The following CPED1 variants were observed in gnomAD, a reference collection of about 807,000 sequenced individuals.
The protein encoded by CPED1 is cadherin-like and PC-esterase domain-containing protein 1.
A neutral mutation model predicts 128.2 loss-of-function variants in CPED1; 114 were observed. That is an observed-to-expected ratio of 0.89 (90% CI 0.76 to 1.04). The LOEUF is 1.04. Among genes scored for constraint, CPED1 ranks in the 50% least tolerant of loss-of-function variants. The pLI is 0.00. For synonymous variants in CPED1, 462 were observed against 426.7 expected (o/e 1.08, Z -1.02); for missense variants, 1,211 against 1,207.1 (o/e 1.00, Z -0.05).
intron 16 of CPED1, among the ~76,000 whole-genome samples, chr7:121,154,264 T>C (rs1181801866): frequency 1.3e-5 from 2 of 152,132 alleles, no homozygotes; most frequent in African/African-American, 4.8e-5. Flanking sequence ...GGATCTCTCT[T>C]TCTAATTTGG....
intron 4 of CPED1, among the ~76,000 whole-genome samples, chr7:121,062,390 C>T (rs972973275): frequency 1.1e-4 from 16 of 152,294 alleles, no homozygotes; most frequent in African/African-American, 3.6e-4. Flanking sequence ...TACAACACTA[C>T]ATTGTAAAAG....
At position 121,055,888 on chromosome 7, in the gene CPED1, C is replaced by CA. The variant is rs563282380; in HGVS notation, c.541-8343dup. Among the ~76,000 whole-genome samples the CA allele has an allele frequency of 1.3e-3, 193 of 151,742 alleles. 1 individual carries two copies. Among genetic ancestry groups the CA allele is most frequent in the Non-Finnish European group, 2.0e-3 (133 of 67,772 alleles). ...AAAAGGAAGAAATCAAAAATAGAAA[C>CA]AAAAAAATCAAAATTTTGAATGTGT... On this transcript the variant is annotated intron_variant, in intron 4 of 22. Coordinates refer to ENST00000310396, the MANE Select transcript of CPED1 (RefSeq NM_024913.5).
chr7:121,110,122 T>A (rs1181688344), intron 7 of CPED1, among the ~76,000 whole-genome samples: 8 of 152,182 alleles, frequency 5.3e-5, no homozygotes, highest in African/African-American at 1.9e-4. Flanking sequence ...TAGACAAATC[T>A]GCTTACATCT....
chr7:121,141,078 T>C (rs1795891823), intron 15 of CPED1, 65 bp downstream of exon 15: 32 of 1,328,588 alleles, frequency 2.4e-5, no homozygotes, highest in Non-Finnish European at 3.0e-5. Flanking sequence ...TGATGCAAAC[T>C]TTGAAAGTGG....
At chr7:120,996,995 TG>T (rs1796417929) in intron 2 of CPED1, among the ~76,000 whole-genome samples, 1 of 152,244 alleles carries the variant, frequency 6.6e-6, no homozygotes, top group African/African-American at 2.4e-5. Flanking sequence ...CCTGTCTCTA[TG>T]TGTAATCCAT....
intron 4 of CPED1, among the ~76,000 whole-genome samples, chr7:121,052,422 C>T (rs1270764498): frequency 6.6e-6 from 1 of 152,148 alleles, no homozygotes; most frequent in East Asian, 1.9e-4. Context: ...CGTGGTCAAC[C>T]CTTTGCGCCA....
At chr7:121,187,198 A>G (rs984155806) in intron 16 of CPED1, among the ~76,000 whole-genome samples, 5 of 152,224 alleles carry the variant, frequency 3.3e-5, no homozygotes, top group Non-Finnish European at 7.3e-5. Flanking sequence ...GCTGTAAATG[A>G]AAAGAGCAGG....
intron 4 of CPED1, among the ~76,000 whole-genome samples, chr7:121,060,797 T>G (rs1231733100): frequency 6.6e-6 from 1 of 152,200 alleles, no homozygotes; most frequent in Non-Finnish European, 1.5e-5. Context: ...TCCGGTCCCT[T>G]TTCACGTTGT....
chr7:121,167,934 C>T (rs903752179), intron 16 of CPED1, among the ~76,000 whole-genome samples: 5 of 151,838 alleles, frequency 3.3e-5, no homozygotes, highest in Non-Finnish European at 7.4e-5. Context: ...GGGGTTTCAC[C>T]GTGTTAGCCA....
rs1794798205 is a variant in CPED1, at chr7:121,099,805, C to T, written c.750-121C>T. On this transcript the variant is annotated intron_variant, in intron 6 of 22. Coordinates refer to ENST00000310396, the MANE Select transcript of CPED1 (RefSeq NM_024913.5). ...AACTGAAATTGTTCAAGGAAACCCA[C>T]ACACTGAGGGCTGGCGTCCTACAAA... 5.1e-6 allele frequency: 5 copies of T among 987,218 alleles called. No individual in the cohort carries two copies. The Admixed American group carries it at 1.3e-4, about 26-fold the overall frequency. The allele number at this position is 987,218 out of a possible 1,614,324, so 61.2% of individuals were successfully genotyped here. A position where few individuals can be genotyped will look rare whatever the true frequency, so the allele number is the denominator to read the frequency against.
chr7:121,203,863 G>A (rs951269845), intron 16 of CPED1, among the ~76,000 whole-genome samples: 1 of 152,118 alleles, frequency 6.6e-6, no homozygotes, highest in Non-Finnish European at 1.5e-5. Flanking sequence ...AGGATGGTAA[G>A]CTGCTTGTCA....
At chr7:121,265,808 A>G (rs1326816407) in intron 18 of CPED1, among the ~76,000 whole-genome samples, 1 of 151,680 alleles carries the variant, frequency 6.6e-6, no homozygotes, top group African/African-American at 2.4e-5. Flanking sequence ...CACGACCTCT[A>G]TTGAGCTACC....
chr7:121,189,694 C>A (rs529772917), intron 16 of CPED1, among the ~76,000 whole-genome samples: 2 of 144,858 alleles, frequency 1.4e-5, no homozygotes, highest in South Asian at 2.2e-4. Context: ...TTTAAAGTCA[C>A]CACAATTTTT....
chr7:120,999,388 C>T (rs544382756), intron 2 of CPED1, among the ~76,000 whole-genome samples: 4 of 152,228 alleles, frequency 2.6e-5, no homozygotes, highest in Admixed American at 2.6e-4. Flanking sequence ...TAAACATTCT[C>T]AAGTATCTAC....
rs139131834 is a variant in CPED1 at position 120,988,768 on chromosome 7, CGT to C, written c.-363_-362del. The C allele has an allele frequency of 1.7e-4, 26 of 151,812 alleles. No individual in the cohort carries two copies. The highest frequency in any genetic ancestry group is 1.3e-3 in the South Asian group (6 of 4,788). 9.4% of individuals were successfully genotyped at this position (151,812 alleles called of 1,614,324 possible). On this transcript the variant is annotated 5_prime_UTR_variant, in exon 1 of 23. The change abolishes the stop of an existing upstream ORF in the 5' untranslated region. Coordinates refer to ENST00000310396, the MANE Select transcript of CPED1 (RefSeq NM_024913.5). ...GCGCGTGTGTTTATGTGTCTGTGTG[CGT>C]GTGTGTGTGTGTCTCTCTCTGTGTG... is the stretch of plus-strand genomic sequence containing the variant.
At chr7:121,240,711 G>A (rs1424029915) in intron 17 of CPED1, among the ~76,000 whole-genome samples, 4 of 136,566 alleles carry the variant, frequency 2.9e-5, no homozygotes. Flanking sequence ...GTCATTAACA[G>A]CATGATCCCA....
intron 11 of CPED1, among the ~76,000 whole-genome samples, chr7:121,129,315 A>ATATATATATATATATATACG (rs1563037586): frequency 1.0e-5 from 1 of 95,866 alleles, no homozygotes; most frequent in Admixed American, 9.5e-5. Context: ...ATATATACGT[A>ATATATATATATATATATACG]TATATATATA....
intron 22 of CPED1, 76 bp downstream of exon 22, chr7:121,271,506 C>A: frequency 7.1e-7 from 1 of 1,403,094 alleles, no homozygotes; most frequent in South Asian, 1.3e-5. Context: ...ATTGTATTGT[C>A]AGTCTTATTT....
chr7:121,262,250 G>T (rs1792036606), intron 18 of CPED1, among the ~76,000 whole-genome samples: 1 of 152,020 alleles, frequency 6.6e-6, no homozygotes, highest in African/African-American at 2.4e-5. Context: ...TGCTTGTATA[G>T]CCTGCAGAAC....
Sources: gnomAD v4.1 joint callset for allele counts (sites outside exome capture counted in the v4.1 genomes callset) on GRCh38, gnomAD v4.1.1 for gene constraint, MANE v1.5 for transcripts, NCBI Gene and HGNC (gene_info 2026-07-23, HGNC 2026-07-21) for gene names.